Variants in DAB1 observed in about 807,000 individuals in gnomAD.
The protein encoded by DAB1 is DAB adaptor protein 1.
A neutral mutation model predicts 64.6 loss-of-function variants in DAB1; 15 were observed. The observed-to-expected ratio is 0.23, with a 90% confidence interval of 0.16 to 0.36. The LOEUF is 0.36. Ranked by LOEUF, DAB1 falls within the 10% of genes least tolerant of loss-of-function variation. DAB1 has a pLI of 1.00. For missense variants in DAB1, 596 were observed against 706.7 expected (o/e 0.84, Z 1.78); for synonymous variants, 235 against 251.9 (o/e 0.93, Z 0.64).
chr1:58,433,276 T>C (rs1033880502), intron 3 of DAB1, among the ~76,000 whole-genome samples: 2 of 151,864 alleles, frequency 1.3e-5, no homozygotes, highest in East Asian at 1.9e-4. Context: ...GGGTCAGAAG[T>C]GTGGGAAAGA....
chr1:57,636,635 G>A (rs1165180395), intron 7 of DAB1, among the ~76,000 whole-genome samples: 1 of 152,200 alleles, frequency 6.6e-6, no homozygotes, highest in Non-Finnish European at 1.5e-5. Flanking sequence ...AACAAAATGT[G>A]CTCGTGGGTG....
intron 3 of DAB1, among the ~76,000 whole-genome samples, chr1:58,483,405 A>C (rs1368367265): frequency 6.6e-6 from 1 of 152,158 alleles, no homozygotes; most frequent in African/African-American, 2.4e-5. Flanking sequence ...ACGTTCTCTA[A>C]GTGAATGGGG....
intron 2 of DAB1, among the ~76,000 whole-genome samples, chr1:57,199,541 C>T (rs562391112): frequency 6.6e-6 from 1 of 152,328 alleles, no homozygotes; most frequent in African/African-American, 2.4e-5. Flanking sequence ...AGGAAGAAGA[C>T]CGCGGGCTAT....
chr1:57,608,490 A>G (rs1057264382), intron 7 of DAB1, among the ~76,000 whole-genome samples: 1 of 152,200 alleles, frequency 6.6e-6, no homozygotes, highest in Non-Finnish European at 1.5e-5. Flanking sequence ...TTGAATCCTC[A>G]TATCTGAAAG....
chr1:58,160,450 A>G (rs1364027687), intron 4 of DAB1, among the ~76,000 whole-genome samples: 1 of 152,152 alleles, frequency 6.6e-6, no homozygotes, highest in Non-Finnish European at 1.5e-5. Context: ...TCCTGTACAG[A>G]GGGCAATTAG....
chr1:57,304,395 T>A (rs1224180030), intron 1 of DAB1, among the ~76,000 whole-genome samples: 1 of 130,758 alleles, frequency 7.6e-6, no homozygotes, highest in Admixed American at 9.0e-5. Context: ...CAGTTCAACA[T>A]GAGATTTGGG....
intron 7 of DAB1, among the ~76,000 whole-genome samples, chr1:57,564,795 C>A (rs530048072): frequency 2.0e-5 from 3 of 152,118 alleles, no homozygotes; most frequent in Non-Finnish European, 2.9e-5. Flanking sequence ...AATCTACGTC[C>A]AACTGGTGTA....
rs1305615619 is a variant in DAB1, at chr1:57,026,490, T to C, written c.724-447A>G. Reference sequence around the variant, plus strand: ...TGGTCACGTCAGTAAGGGCTCCCAATAGCATTCACCCTGAGAGGTAGGAAT... The same window carrying C: ...TGGTCACGTCAGTAAGGGCTCCCAACAGCATTCACCCTGAGAGGTAGGAAT... On this transcript the variant is annotated intron_variant, in intron 9 of 14. Transcript: ENST00000371236. Among the ~76,000 whole-genome samples, 4 of 152,116 alleles carry C rather than the reference T, an allele frequency of 2.6e-5. No individual in the cohort carries two copies. In the East Asian group the frequency reaches 7.7e-4, roughly 29 times the overall value.
intron 3 of DAB1, among the ~76,000 whole-genome samples, chr1:58,424,069 G>A (rs1557755907): frequency 1.3e-5 from 2 of 152,156 alleles, no homozygotes; most frequent in African/African-American, 4.8e-5. Context: ...ACCAGAAGAG[G>A]TCTTCTGTCT....
chr1:57,835,380 T>G (rs923033351), intron 1 of DAB1, among the ~76,000 whole-genome samples: 7 of 152,204 alleles, frequency 4.6e-5, no homozygotes, highest in African/African-American at 1.7e-4. Flanking sequence ...ATGAGGAAAC[T>G]GACTCATTGA....
At chr1:58,076,824 A>AATAT (rs201094725) in intron 5 of DAB1, among the ~76,000 whole-genome samples, 4,321 of 152,278 alleles carry the variant, frequency 0.028, 189 homozygotes, top group African/African-American at 0.098. Flanking sequence ...TCTTGTAGCT[A>AATAT]CACTGATGAA....
chr1:57,605,962 A>T, intron 7 of DAB1: 1 of 685,740 alleles, frequency 1.5e-6, no homozygotes, highest in Admixed American at 1.8e-5. Context: ...GTGGATTCTC[A>T]TCTGGAAACG....
chr1:57,951,813 A>T (rs1370720568), intron 5 of DAB1, among the ~76,000 whole-genome samples: 1 of 152,234 alleles, frequency 6.6e-6, no homozygotes, highest in Non-Finnish European at 1.5e-5. Flanking sequence ...CTCCCCATAT[A>T]TTCCTTGGGT....
intron 4 of DAB1, among the ~76,000 whole-genome samples, chr1:57,086,678 CACACACACAT>C (rs1329868340): frequency 1.4e-5 from 2 of 147,644 alleles, no homozygotes; most frequent in African/African-American, 4.9e-5. Context: ...CACACACACA[CACACACACAT>C]GAAAAAAACC....
intron 6 of DAB1, among the ~76,000 whole-genome samples, chr1:57,778,583 C>T (rs1219290060): frequency 6.6e-6 from 1 of 152,028 alleles, no homozygotes; most frequent in Non-Finnish European, 1.5e-5. Flanking sequence ...TACTCTAACA[C>T]ATCTGGAGCA....
At chr1:57,981,798 A>G (rs1340821358) in intron 5 of DAB1, among the ~76,000 whole-genome samples, 2 of 152,198 alleles carry the variant, frequency 1.3e-5, no homozygotes, top group Non-Finnish European at 2.9e-5. Flanking sequence ...TGTCTCCATT[A>G]TTGCACAAGT....
chr1:57,917,982 C>G (rs2102018314), intron 5 of DAB1, among the ~76,000 whole-genome samples: 1 of 151,948 alleles, frequency 6.6e-6, no homozygotes, highest in East Asian at 1.9e-4. Flanking sequence ...GCAGAAGAAT[C>G]CTTTGAACCC....
At chr1:58,072,877 C>T (rs543712515) in intron 5 of DAB1, among the ~76,000 whole-genome samples, 2 of 152,206 alleles carry the variant, frequency 1.3e-5, no homozygotes, top group African/African-American at 4.8e-5. Context: ...TTTCCAGATT[C>T]GGTGCTTCCA....
Position 58,335,704 on chromosome 1 carries a change from T to G in DAB1, n.309+7648A>C, listed in dbSNP as rs139920007. Among the ~76,000 whole-genome samples, 47 of 152,274 alleles carry G rather than the reference T, an allele frequency of 3.1e-4. No homozygotes were observed. In the East Asian group the frequency reaches 7.7e-3, roughly 25 times the overall value. On this transcript the variant is annotated intron_variant and non_coding_transcript_variant, in intron 4 of 20. Transcript: ENST00000485760. ...GTGAGAACTGGTTGGATGGGGATTA[T>G]ACTCTGAGGGTAAAGCTGTCGATTC...
Sources: gnomAD v4.1 joint callset for allele counts (sites outside exome capture counted in the v4.1 genomes callset) on GRCh38, gnomAD v4.1.1 for gene constraint, MANE v1.5 for transcripts, NCBI Gene and HGNC (gene_info 2026-07-23, HGNC 2026-07-21) for gene names.